The following NTRK3 variants were observed in gnomAD, a reference collection of about 807,000 sequenced individuals.
The protein encoded by NTRK3 is NT-3 growth factor receptor.
Under a neutral mutation model 91.7 loss-of-function variants are expected in NTRK3, and 24 were observed. The ratio of observed to expected loss-of-function variants is 0.26; its 90% CI spans 0.19 to 0.37. The LOEUF (loss-of-function observed/expected upper bound fraction) is 0.37. Ranked by LOEUF, NTRK3 falls within the 10% of genes least tolerant of loss-of-function variation. NTRK3 has a pLI of 1.00. For synonymous variants in NTRK3, 483 were observed against 404.0 expected (o/e 1.20, Z -2.34); for missense variants, 880 against 1,068.9 (o/e 0.82, Z 2.46).
At chr15:88,152,089 T>A (rs1481926259) in intron 5 of NTRK3, among the ~76,000 whole-genome samples, 2 of 152,168 alleles carry the variant, frequency 1.3e-5, no homozygotes, top group South Asian at 4.1e-4. Flanking sequence ...TCACCTGATG[T>A]CAGCAGTTTG....
At chr15:87,975,472 G>A (rs1355085495) in intron 14 of NTRK3, among the ~76,000 whole-genome samples, 2 of 152,194 alleles carry the variant, frequency 1.3e-5, no homozygotes, top group African/African-American at 4.8e-5. Flanking sequence ...AAGCTACTGT[G>A]AAATCCTGTT....
At chr15:88,218,714 C>A (rs188600886) in intron 3 of NTRK3, among the ~76,000 whole-genome samples, 104 of 152,330 alleles carry the variant, frequency 6.8e-4, no homozygotes, top group Non-Finnish European at 2.5e-4. Flanking sequence ...TGCCCTGCAC[C>A]ATTTCCTGAG....
intron 17 of NTRK3, among the ~76,000 whole-genome samples, chr15:87,899,091 T>C (rs906804508): frequency 2.0e-5 from 3 of 151,952 alleles, no homozygotes; most frequent in Non-Finnish European, 4.4e-5. Context: ...TGAATAAGAG[T>C]TGTAATGGTG....
chr15:88,014,314 A>G (rs1460013400), intron 14 of NTRK3, among the ~76,000 whole-genome samples: 1 of 152,214 alleles, frequency 6.6e-6, no homozygotes, highest in Non-Finnish European at 1.5e-5. Flanking sequence ...GAGAAACATG[A>G]GACAACAGCC....
chr15:88,095,994 C>T (rs554039701), intron 13 of NTRK3, among the ~76,000 whole-genome samples: 117 of 152,226 alleles, frequency 7.7e-4, no homozygotes, highest in Non-Finnish European at 1.6e-3. Flanking sequence ...TCCCTAACAG[C>T]GATTTGATTT....
At chr15:88,141,007 C>T (rs758587157) in intron 6 of NTRK3, among the ~76,000 whole-genome samples, 7 of 152,088 alleles carry the variant, frequency 4.6e-5, no homozygotes, top group African/African-American at 9.7e-5. Context: ...AGGAAATCAA[C>T]GGCAGGGAGA....
chr15:87,973,684 G>A (rs1185746950), intron 14 of NTRK3, among the ~76,000 whole-genome samples: 2 of 152,176 alleles, frequency 1.3e-5, no homozygotes, highest in South Asian at 2.1e-4. Flanking sequence ...AGGAGGAGGA[G>A]AGCTCCAGGC....
chr15:88,156,811 T>C (rs1419309558), intron 5 of NTRK3, among the ~76,000 whole-genome samples: 1 of 152,202 alleles, frequency 6.6e-6, no homozygotes, highest in African/African-American at 2.4e-5. Context: ...CTTTTCTTTT[T>C]CAGTTTTATT....
rs1165021556 is a variant in NTRK3 at position 87,982,517 on chromosome 15, T to C, written c.1586-41764A>G. ...AAAACATTCAGCACAAAGGTACCTG[T>C]AGGCTCTCTGTAATTCAGAACAGAG... is the stretch of plus-strand genomic sequence containing the variant. On this transcript the variant is annotated intron_variant, in intron 14 of 18. Coordinates refer to ENST00000394480, the Ensembl canonical transcript of NTRK3. Among the ~76,000 whole-genome samples, 5 of 152,212 alleles carry C rather than the reference T, an allele frequency of 3.3e-5. No individual in the cohort carries two copies. In the South Asian group the frequency reaches 8.3e-4, roughly 25 times the overall value.
In NTRK3 at chr15:87,869,056, G is replaced by T. The variant is rs138741712; in HGVS notation, c.*7879C>A. 326 of 228,910 alleles carry T rather than the reference G, an allele frequency of 1.4e-3. 1 individual carries two copies. The highest frequency in any genetic ancestry group is 1.8e-3 in the Non-Finnish European group (212 of 115,306). 14.2% of individuals were successfully genotyped at this position (228,910 alleles called of 1,614,324 possible). ...TTCACTTTGTGCAGCATTAAGATAT[G>T]CTGTGAAACTGTCATCAGCAGAGTG... On this transcript the variant is annotated 3_prime_UTR_variant, in exon 19 of 19. Coordinates refer to ENST00000394480, the Ensembl canonical transcript of NTRK3.
At chr15:87,955,736 C>T (rs2071588825) in intron 14 of NTRK3, among the ~76,000 whole-genome samples, 1 of 152,106 alleles carries the variant, frequency 6.6e-6, no homozygotes, top group Non-Finnish European at 1.5e-5. Context: ...TGGTACTGGG[C>T]AGAAAAGAGG....
At chr15:88,044,434 T>C (rs942621141) in intron 13 of NTRK3, among the ~76,000 whole-genome samples, 1 of 151,786 alleles carries the variant, frequency 6.6e-6, no homozygotes, top group Non-Finnish European at 1.5e-5. Context: ...CTAATTTTTT[T>C]GTATTTTTAG....
intron 17 of NTRK3, among the ~76,000 whole-genome samples, chr15:87,896,431 A>T (rs2066127862): frequency 6.6e-6 from 1 of 151,032 alleles, no homozygotes; most frequent in Admixed American, 6.6e-5. Flanking sequence ...AGATCGCACC[A>T]CTGCACTCCA....
In NTRK3 at chr15:87,906,168, C is replaced by A. The variant is rs535701138; in HGVS notation, c.2133+23023G>T. Among the ~76,000 whole-genome samples, 16 of 152,344 alleles carry A rather than the reference C, an allele frequency of 1.1e-4. No homozygotes were observed. In the East Asian group the frequency reaches 2.7e-3, roughly 26 times the overall value. ...ATTTAAATCCTGGCTCCACTATTTT[C>A]TATTTCTGAGCTTAAACATCAGTGT... On this transcript the variant is annotated intron_variant, in intron 17 of 18. Transcript: ENST00000394480.
chr15:88,084,086 C>CTTTTTTTT (rs764435924), intron 13 of NTRK3, among the ~76,000 whole-genome samples: 1 of 135,848 alleles, frequency 7.4e-6, no homozygotes. Context: ...GTCCAAGTGC[C>CTTTTTTTT]TTTTTTTTTT....
At chr15:88,040,710 G>A (rs556113029) in intron 13 of NTRK3, among the ~76,000 whole-genome samples, 1 of 152,310 alleles carries the variant, frequency 6.6e-6, no homozygotes, top group African/African-American at 2.4e-5. Context: ...ACGTGTAGAA[G>A]TGGTTCTTCT....
At chr15:87,923,765 G>A (rs1228519686) in intron 17 of NTRK3, among the ~76,000 whole-genome samples, 1 of 152,170 alleles carries the variant, frequency 6.6e-6, no homozygotes, top group African/African-American at 2.4e-5. Flanking sequence ...TCTAACAGGT[G>A]ATTAATCATG....
intron 6 of NTRK3, among the ~76,000 whole-genome samples, chr15:88,140,701 T>G (rs536847371): frequency 6.6e-6 from 1 of 152,200 alleles, no homozygotes; most frequent in African/African-American, 2.4e-5. Flanking sequence ...CACGGTATGC[T>G]CATGAGAGGA....
At chr15:87,951,583 G>T (rs1567144656) in intron 14 of NTRK3, among the ~76,000 whole-genome samples, 1 of 152,162 alleles carries the variant, frequency 6.6e-6, no homozygotes, top group Non-Finnish European at 1.5e-5. Context: ...ACTTACTGAT[G>T]GAAAGGATTT....
Sources: gnomAD v4.1 joint callset for allele counts (sites outside exome capture counted in the v4.1 genomes callset) on GRCh38, gnomAD v4.1.1 for gene constraint, MANE v1.5 for transcripts, NCBI Gene and HGNC (gene_info 2026-07-23, HGNC 2026-07-21) for gene names.